Variants in MYO5B observed in about 807,000 individuals in gnomAD.
The protein encoded by MYO5B is myosin VB, also known as unconventional myosin-Vb.
MYO5B carries 143 observed loss-of-function variants against 229.3 expected under a neutral mutation model. The ratio of observed to expected loss-of-function variants is 0.62; its 90% CI spans 0.54 to 0.72. MYO5B has a LOEUF of 0.72. Among genes scored for constraint, MYO5B ranks in the 30% least tolerant of loss-of-function variants. The pLI, the probability that MYO5B is intolerant of heterozygous loss-of-function variation, is 0.00. For missense variants in MYO5B, 2,321 were observed against 2,331.0 expected, an observed-to-expected ratio of 1.00 and a Z score of 0.09; for synonymous variants, 918 against 885.2, an observed-to-expected ratio of 1.04 and a Z score of -0.66.
At position 50,129,149 on chromosome 18, in the gene MYO5B, G is replaced by C. The variant is rs145680726; in HGVS notation, c.27+65618C>G. Among the ~76,000 whole-genome samples the C allele has an allele frequency of 7.9e-5, 12 of 152,350 alleles. 1 individual carries two copies. The East Asian group carries it at 2.3e-3, about 29-fold the overall frequency. On this transcript the variant is annotated intron_variant, in intron 1 of 39. Transcript: ENST00000285039. ...GTGGTGGGAGCATGGCCTGATGGACGGAGAGGGATGGAGGGCTGGGCCCAA... is the reference window on the plus strand; with the variant it reads ...GTGGTGGGAGCATGGCCTGATGGACCGAGAGGGATGGAGGGCTGGGCCCAA...
intron 17 of MYO5B, among the ~76,000 whole-genome samples, chr18:49,917,016 C>T (rs2025023755): frequency 6.6e-6 from 1 of 152,198 alleles, no homozygotes; most frequent in East Asian, 1.9e-4. Flanking sequence ...AAAGCTGGAA[C>T]AGCCCACTCA....
chr18:50,187,572 A>G (rs1490319012), intron 1 of MYO5B, among the ~76,000 whole-genome samples: 1 of 152,134 alleles, frequency 6.6e-6, no homozygotes, highest in African/African-American at 2.4e-5. Context: ...CCTGGAGTGC[A>G]GTGGCACAAT....
chr18:50,144,112 A>C (rs2032462485), intron 1 of MYO5B, among the ~76,000 whole-genome samples: 1 of 152,192 alleles, frequency 6.6e-6, no homozygotes, highest in South Asian at 2.1e-4. Context: ...CAGAGGATCA[A>C]GGTAACCACT....
At chr18:49,952,586 G>A (rs926955007) in intron 14 of MYO5B, among the ~76,000 whole-genome samples, 5 of 152,126 alleles carry the variant, frequency 3.3e-5, no homozygotes, top group Admixed American at 3.3e-4. Flanking sequence ...GGTGTGTTTA[G>A]GGCAGTGCCT....
At chr18:50,042,448 C>T (rs1448796058) in intron 2 of MYO5B, among the ~76,000 whole-genome samples, 2 of 151,886 alleles carry the variant, frequency 1.3e-5, no homozygotes, top group African/African-American at 2.4e-5. Context: ...CTGTTTTTTT[C>T]TTTATATTAA....
chr18:49,882,003 C>T (rs1414004414), intron 22 of MYO5B, among the ~76,000 whole-genome samples: 2 of 152,094 alleles, frequency 1.3e-5, no homozygotes, highest in Admixed American at 6.5e-5. Context: ...TTCACCTTTG[C>T]GCTTGGATCC....
rs1447253709 is a variant in MYO5B, at chr18:49,841,352, G to C, written c.4701+13C>G. ...AGCAGGAATGCCTCCTGGGTGCCTG[G>C]CTCCCCACTCACCTCATCCCCGCTG... On this transcript the variant is annotated intron_variant, in intron 35 of 39. Transcript: ENST00000285039. The C allele has an allele frequency of 1.2e-6, 2 of 1,613,226 alleles. No homozygotes were observed. The highest frequency in any genetic ancestry group is 1.7e-6 in the Non-Finnish European group (2 of 1,179,340).
intron 22 of MYO5B, among the ~76,000 whole-genome samples, chr18:49,891,970 T>C (rs4939607): frequency 0.22 from 32,342 of 145,506 alleles, 3,857 homozygotes; most frequent in East Asian, 0.43. Flanking sequence ...CTGTGGGTGG[T>C]TCCTCCTCAC....
chr18:49,905,530 C>A (rs1283330651), intron 19 of MYO5B, among the ~76,000 whole-genome samples: 1 of 152,210 alleles, frequency 6.6e-6, no homozygotes, highest in African/African-American at 2.4e-5. Context: ...CCTTGGAAAT[C>A]ATTCAGCAAA....
intron 12 of MYO5B, among the ~76,000 whole-genome samples, chr18:49,958,229 A>G (rs2025517938): frequency 6.6e-6 from 1 of 152,192 alleles, no homozygotes; most frequent in Non-Finnish European, 1.5e-5. Flanking sequence ...TTTCACTCGG[A>G]GAATCACTTC....
intron 1 of MYO5B, among the ~76,000 whole-genome samples, chr18:50,185,755 TCAG>T (rs2033139410): frequency 5.9e-5 from 9 of 152,256 alleles, no homozygotes; most frequent in Non-Finnish European, 7.3e-5. Flanking sequence ...GTATATGGCA[TCAG>T]ATCTTGGCAA....
intron 2 of MYO5B, among the ~76,000 whole-genome samples, chr18:50,048,920 G>C (rs2030314860): frequency 6.6e-6 from 1 of 151,968 alleles, no homozygotes; most frequent in African/African-American, 2.4e-5. Flanking sequence ...TACTCAGGAG[G>C]CTGAGGCACA....
chr18:49,865,062 AC>A (rs1332798746), intron 27 of MYO5B, among the ~76,000 whole-genome samples: 1 of 152,218 alleles, frequency 6.6e-6, no homozygotes, highest in Non-Finnish European at 1.5e-5. Context: ...TGATGATCAC[AC>A]ACAAACTGCC....
intron 23 of MYO5B, among the ~76,000 whole-genome samples, chr18:49,879,721 T>G (rs925187336): frequency 2.0e-5 from 3 of 152,106 alleles, no homozygotes; most frequent in Non-Finnish European, 2.9e-5. Flanking sequence ...TCACAGTGAG[T>G]TGAAGCAGAA....
chr18:49,857,665 C>A (rs2024278563), intron 29 of MYO5B, among the ~76,000 whole-genome samples: 1 of 152,208 alleles, frequency 6.6e-6, no homozygotes, highest in Non-Finnish European at 1.5e-5. Flanking sequence ...TTTGGGAAAG[C>A]AGAACTCTTT....
At chr18:50,128,567 T>A (rs969728199) in intron 1 of MYO5B, among the ~76,000 whole-genome samples, 3 of 152,172 alleles carry the variant, frequency 2.0e-5, no homozygotes, top group Non-Finnish European at 4.4e-5. Context: ...CCTAGCTCAG[T>A]GACAGGAAGT....
At chr18:49,972,062 T>C (rs1191263184) in intron 10 of MYO5B, among the ~76,000 whole-genome samples, 1 of 151,900 alleles carries the variant, frequency 6.6e-6, no homozygotes, top group Non-Finnish European at 1.5e-5. Context: ...TGTCAGATAG[T>C]CTCAAAGGAG....
At position 49,904,576 on chromosome 18, in the gene MYO5B, G is replaced by A. The variant is rs577412418; in HGVS notation, c.2571+96C>T. On this transcript the variant is annotated intron_variant, in intron 20 of 39. Coordinates refer to ENST00000285039, the MANE Select transcript of MYO5B (RefSeq NM_001080467.3). ...ATGTGAAAGCATTTAGAAAAAAGTT[G>A]GGAGTGCTTGACAGAGGTTCACGTT... 311 of 1,484,676 alleles carry A rather than the reference G, an allele frequency of 2.1e-4. 1 individual carries two copies. In the Middle Eastern group the frequency reaches 7.3e-3, roughly 35 times the overall value. The allele number at this position is 1,484,676 out of a possible 1,614,324, so 92.0% of individuals were successfully genotyped here.
At chr18:50,132,527 C>A (rs1018130556) in intron 1 of MYO5B, among the ~76,000 whole-genome samples, 1 of 152,168 alleles carries the variant, frequency 6.6e-6, no homozygotes, top group African/African-American at 2.4e-5. Context: ...GCCGACAAGT[C>A]CAGTCAACAG....
Sources: allele counts gnomAD v4.1 joint callset (sites outside exome capture counted in the v4.1 genomes callset), GRCh38; gene constraint gnomAD v4.1.1; transcripts MANE v1.5; gene names NCBI Gene and HGNC (gene_info 2026-07-23, HGNC 2026-07-21).